Variants in NR3C1 observed in about 807,000 individuals in gnomAD.
NR3C1 encodes the protein nuclear receptor subfamily 3 group C member 1.
In NR3C1, 14 loss-of-function variants were observed where a neutral mutation model predicts 74.0. That is an observed-to-expected ratio of 0.19 (90% CI 0.12 to 0.30). The LOEUF (loss-of-function observed/expected upper bound fraction) is 0.30, where lower values mean the gene tolerates loss of function less well. NR3C1 is among the 10% of genes least tolerant of loss of function. The pLI is 1.00. For missense variants in NR3C1, 695 were observed against 909.8 expected (o/e 0.76, Z 3.04); for synonymous variants, 308 against 332.5 (o/e 0.93, Z 0.80).
intron 2 of NR3C1, among the ~76,000 whole-genome samples, chr5:143,391,085 T>G (rs1313749486): frequency 1.3e-5 from 2 of 152,198 alleles, no homozygotes; most frequent in South Asian, 4.1e-4. Flanking sequence ...CACTTTGTCC[T>G]TAATAAACCC....
intron 1 of NR3C1, among the ~76,000 whole-genome samples, chr5:143,420,350 G>T (rs1372837278): frequency 6.6e-6 from 1 of 152,178 alleles, no homozygotes; most frequent in African/African-American, 2.4e-5. Flanking sequence ...TTCACAATTT[G>T]TGTTTAGAGA....
intron 7 of NR3C1, among the ~76,000 whole-genome samples, chr5:143,289,416 C>T (rs931376366): frequency 6.6e-6 from 1 of 152,166 alleles, no homozygotes; most frequent in African/African-American, 2.4e-5. Context: ...AACCTTGTCC[C>T]TTACCTTGCA....
intron 2 of NR3C1, chr5:143,390,142 G>C (rs1453514791): frequency 6.5e-6 from 1 of 154,348 alleles, no homozygotes; most frequent in African/African-American, 2.4e-5. Flanking sequence ...TTTTAACCTA[G>C]CATTTTTTGA....
rs769114609 is a variant in NR3C1, at chr5:143,400,708, A to G, written c.132T>C (p.Ser44=). 3 of 1,614,202 alleles carry G rather than the reference A, an allele frequency of 1.9e-6. No individual in the cohort carries two copies. The Middle Eastern group carries it at 4.9e-4, about 266-fold the overall frequency. Residue 44 remains serine (S), a synonymous_variant, in exon 2 of 9, where the codon TCT becomes TCC. Coordinates refer to ENST00000394464, the MANE Select transcript of NR3C1 (RefSeq NM_000176.3). Reference sequence around the variant, plus strand: ...GAGAAGCGACAGCCAGTGAGGGTGAAGACGCAGAAACCTTCACAGTAGCTC... The same window carrying G: ...GAGAAGCGACAGCCAGTGAGGGTGAGGACGCAGAAACCTTCACAGTAGCTC... The part of the protein sequence containing the change: ...RGGATVKVSA[S]SPSLAVASQS...
intron 2 of NR3C1, among the ~76,000 whole-genome samples, chr5:143,354,808 G>A (rs569790196): frequency 6.8e-4 from 103 of 151,624 alleles, no homozygotes; most frequent in African/African-American, 2.2e-3. Flanking sequence ...CTGTAGGCCC[G>A]GCTACTGGGG....
intron 7 of NR3C1, chr5:143,294,736 A>C (rs796299636): frequency 2.1e-5 from 4 of 189,280 alleles, no homozygotes; most frequent in African/African-American, 7.1e-5. Context: ...AGAATCACAC[A>C]GTATGTAGCC....
chr5:143,352,698 G>A (rs569910460), intron 2 of NR3C1, among the ~76,000 whole-genome samples: 8 of 152,272 alleles, frequency 5.3e-5, no homozygotes, highest in African/African-American at 1.9e-4. Flanking sequence ...GTGTGCAATA[G>A]CATTGTGTCT....
rs141841775 is a variant in NR3C1, at chr5:143,297,189, A to C, written c.1892+1479T>G. On this transcript the variant is annotated intron_variant, in intron 6 of 8. Transcript: ENST00000394464. ...CATATCCCTTAATGAAAATGAAACTAATGTAAATCTGTTGAGGAAAAAAAA... is the reference window on the plus strand; with the variant it reads ...CATATCCCTTAATGAAAATGAAACTCATGTAAATCTGTTGAGGAAAAAAAA... Among the ~76,000 whole-genome samples, 11 of 152,224 alleles carry C rather than the reference A, an allele frequency of 7.2e-5. No individual in the cohort carries two copies. The East Asian group carries it at 1.9e-3, about 27-fold the overall frequency.
At position 143,328,137 on chromosome 5, in the gene NR3C1, G is replaced by A. The variant is rs113219742; in HGVS notation, c.1185-13969C>T. ...CCAAACCTCAACTCTTGTCTTCTGC[G>A]CACCTGCAGGCCCAACACCACGTGA... On this transcript the variant is annotated intron_variant, in intron 2 of 8. Transcript: ENST00000394464. Among the ~76,000 whole-genome samples the A allele has an allele frequency of 4.3e-3, 659 of 152,294 alleles. 2 individuals carry two copies. The highest frequency in any genetic ancestry group is 0.015 in the African/African-American group (632 of 41,560).
rs796780447 is a variant in NR3C1, at chr5:143,306,905, T to C, written c.1468+3192A>G. On this transcript the variant is annotated intron_variant, in intron 4 of 8. Transcript: ENST00000394464. ...TTTTTTTTTTTTTTTTTTTTTTTTT[T>C]TTTTTTTTTGAGACGGAGTCTCGCT... Among the ~76,000 whole-genome samples the C allele has an allele frequency of 3.2e-3, 156 of 48,812 alleles. 14 individuals carry two copies. In the South Asian group the frequency reaches 0.096, roughly 30 times the overall value. The allele number at this position is 48,812 out of a possible 152,430, so 32.0% of individuals were successfully genotyped here.
chr5:143,415,771 T>G (rs996220483), intron 1 of NR3C1, among the ~76,000 whole-genome samples: 4 of 152,172 alleles, frequency 2.6e-5, no homozygotes, highest in African/African-American at 9.6e-5. Context: ...AGAATTGAAA[T>G]TTCTCAGGCA....
chr5:143,362,034 C>A (rs979770942), intron 2 of NR3C1, among the ~76,000 whole-genome samples: 1 of 152,082 alleles, frequency 6.6e-6, no homozygotes, highest in Non-Finnish European at 1.5e-5. Flanking sequence ...GCTTTTAAAA[C>A]AATGTCAGCA....
At chr5:143,381,729 A>G (rs1836286040) in intron 2 of NR3C1, among the ~76,000 whole-genome samples, 1 of 152,166 alleles carries the variant, frequency 6.6e-6, no homozygotes, top group African/African-American at 2.4e-5. Context: ...GGATATCCAT[A>G]GGCAGAATGA....
chr5:143,432,559 G>T (rs1417616855), intron 1 of NR3C1, among the ~76,000 whole-genome samples: 2 of 152,180 alleles, frequency 1.3e-5, no homozygotes, highest in Non-Finnish European at 2.9e-5. Flanking sequence ...CTCTTTAAAA[G>T]GCTGAGGTAA....
At chr5:143,363,540 T>G (rs1011806848) in intron 2 of NR3C1, among the ~76,000 whole-genome samples, 7 of 151,498 alleles carry the variant, frequency 4.6e-5, no homozygotes, top group Admixed American at 3.3e-4. Flanking sequence ...GCCACTGCAC[T>G]CCAGCCTGGG....
At chr5:143,308,759 G>C (rs986053130) in intron 4 of NR3C1, among the ~76,000 whole-genome samples, 1 of 152,116 alleles carries the variant, frequency 6.6e-6, no homozygotes, top group African/African-American at 2.4e-5. Flanking sequence ...GGTGTGCCAT[G>C]CTATTTTGTG....
chr5:143,365,824 T>A (rs1833081518), intron 2 of NR3C1, among the ~76,000 whole-genome samples: 1 of 152,176 alleles, frequency 6.6e-6, no homozygotes, highest in African/African-American at 2.4e-5. Flanking sequence ...CAGAATGGAA[T>A]GACACTGAGA....
At position 143,319,479 on chromosome 5, in the gene NR3C1, A is replaced by G. The variant is rs147411690; in HGVS notation, c.1185-5311T>C. 3.8e-4 allele frequency among the ~76,000 whole-genome samples: 58 copies of G among 152,340 alleles called. 1 individual carries two copies. The East Asian group carries it at 0.011, about 28-fold the overall frequency. On this transcript the variant is annotated intron_variant, in intron 2 of 8. Transcript: ENST00000394464. ...AAAAAATTCCAGAAATACAGCTGCTATAACTGGATTAATTTTTTACAACTA... is the reference window on the plus strand; with the variant it reads ...AAAAAATTCCAGAAATACAGCTGCTGTAACTGGATTAATTTTTTACAACTA...
chr5:143,282,564 T>A lies in NR3C1; in HGVS notation c.2181+4A>T, dbSNP rs777651449. ...TTATATTTGGCTTTATGTTTGACAC[T>A]TACTTCATGCATAGAATCCAAGAGT... On this transcript the variant is annotated splice_donor_region_variant and intron_variant, in intron 8 of 8. Transcript: ENST00000394464. The A allele has an allele frequency of 6.2e-7, 1 of 1,613,806 alleles. No homozygotes were observed. Among genetic ancestry groups the A allele is most frequent in the Admixed American group, 1.7e-5 (1 of 59,982 alleles).
Sources: gnomAD v4.1 joint callset for allele counts (sites outside exome capture counted in the v4.1 genomes callset) on GRCh38, gnomAD v4.1.1 for gene constraint, MANE v1.5 for transcripts, NCBI Gene and HGNC (gene_info 2026-07-23, HGNC 2026-07-21) for gene names.